The following GRIN2A variants were observed in gnomAD, a reference collection of about 807,000 sequenced individuals.
GRIN2A encodes the protein glutamate ionotropic receptor NMDA type subunit 2A.
In GRIN2A, 22 loss-of-function variants were observed where a neutral mutation model predicts 113.4. The observed-to-expected ratio is 0.19, with a 90% CI of 0.14 to 0.28. The LOEUF (loss-of-function observed/expected upper bound fraction) is 0.28. GRIN2A is among the 10% of genes least tolerant of loss of function. GRIN2A has a pLI of 1.00. For missense variants in GRIN2A, 1,502 were observed against 1,887.0 expected, an observed-to-expected ratio of 0.80 and a Z score of 3.78; for synonymous variants, 827 against 738.4, an observed-to-expected ratio of 1.12 and a Z score of -1.94.
intron 2 of GRIN2A, among the ~76,000 whole-genome samples, chr16:10,048,374 C>T (rs2047295250): frequency 6.6e-6 from 1 of 152,174 alleles, no homozygotes; most frequent in South Asian, 2.1e-4. Context: ...CTTGGGAGAA[C>T]TGCCTACTAC....
chr16:9,887,883 A>T (rs2043615731), intron 4 of GRIN2A, among the ~76,000 whole-genome samples: 1 of 152,116 alleles, frequency 6.6e-6, no homozygotes, highest in African/African-American at 2.4e-5. Context: ...ACATGGTGCA[A>T]CTATCTCTAC....
intron 8 of GRIN2A, 88 bp from the exon 9 acceptor site, chr16:9,829,740 C>A: frequency 1.2e-6 from 1 of 835,578 alleles, no homozygotes; most frequent in Non-Finnish European, 2.1e-6. Flanking sequence ...ACCAGCAGCA[C>A]CGAAGGTTGC....
chr16:9,807,297 A>G (rs112120287), intron 10 of GRIN2A, among the ~76,000 whole-genome samples: 2 of 7,980 alleles, frequency 2.5e-4, no homozygotes, highest in Non-Finnish European at 2.2e-4. Flanking sequence ...AGGGAGGGAG[A>G]GGGGGAGGGA....
intron 2 of GRIN2A, among the ~76,000 whole-genome samples, chr16:10,082,185 C>A (rs11074568): frequency 0.12 from 18,481 of 152,166 alleles, 1,697 homozygotes; most frequent in East Asian, 0.34. Context: ...TCTCTGCCTA[C>A]GATGGAATTA....
intron 11 of GRIN2A, among the ~76,000 whole-genome samples, chr16:9,797,129 T>G (rs1284803354): frequency 6.6e-6 from 1 of 152,238 alleles, no homozygotes; most frequent in African/African-American, 2.4e-5. Context: ...TATTTTGATA[T>G]TGCATTTCAC....
At chr16:9,909,296 T>A (rs1000812583) in intron 3 of GRIN2A, among the ~76,000 whole-genome samples, 3 of 152,142 alleles carry the variant, frequency 2.0e-5, no homozygotes, top group Non-Finnish European at 4.4e-5. Context: ...TCCCACAACA[T>A]GTGGTAATTC....
At chr16:10,035,479 AG>A (rs1033066338) in intron 2 of GRIN2A, among the ~76,000 whole-genome samples, 1 of 152,052 alleles carries the variant, frequency 6.6e-6, no homozygotes, top group African/African-American at 2.4e-5. Flanking sequence ...CTCCTTTCAA[AG>A]CCCTTACCTA....
At chr16:9,805,161 C>G (rs2141250736) in intron 10 of GRIN2A, among the ~76,000 whole-genome samples, 1 of 152,232 alleles carries the variant, frequency 6.6e-6, no homozygotes, top group African/African-American at 2.4e-5. Flanking sequence ...AGGACTATAC[C>G]CCACAGTAGA....
At chr16:10,071,462 T>C (rs10518151) in intron 2 of GRIN2A, among the ~76,000 whole-genome samples, 14,631 of 152,260 alleles carry the variant, frequency 0.096, 780 homozygotes, top group African/African-American at 0.11. Flanking sequence ...GTATCTCTTC[T>C]GGTTGTCCTG....
intron 11 of GRIN2A, 33 bp downstream of exon 11, chr16:9,798,244 C>A: frequency 1.9e-6 from 3 of 1,569,214 alleles, no homozygotes; most frequent in Non-Finnish European, 2.6e-6. Context: ...GGTCTCAAGT[C>A]CCCCTAAAGA....
At chr16:10,159,271 GAGA>G (rs1009174535) in intron 2 of GRIN2A, among the ~76,000 whole-genome samples, 1 of 152,142 alleles carries the variant, frequency 6.6e-6, no homozygotes, top group African/African-American at 2.4e-5. Flanking sequence ...CATTGACAGA[GAGA>G]AGAAATCCAG....
chr16:10,012,514 C>T (rs73506633), intron 2 of GRIN2A, among the ~76,000 whole-genome samples: 32 of 152,136 alleles, frequency 2.1e-4, no homozygotes, highest in African/African-American at 5.3e-4. Context: ...CTTGTTCAAT[C>T]GATTCTAAAA....
chr16:9,922,033 TAA>T (rs1567177219), intron 3 of GRIN2A, among the ~76,000 whole-genome samples: 1 of 152,094 alleles, frequency 6.6e-6, no homozygotes, highest in African/African-American at 2.4e-5. Flanking sequence ...ATTAAAAACA[TAA>T]AAAAGAGAAA....
chr16:9,767,270 C>T (rs1900973935), intron 12 of GRIN2A, among the ~76,000 whole-genome samples: 1 of 152,198 alleles, frequency 6.6e-6, no homozygotes, highest in African/African-American at 2.4e-5. Flanking sequence ...AAATCTTCCT[C>T]ACTAAACTAA....
At chr16:9,817,557 T>C (rs1223535434) in intron 10 of GRIN2A, among the ~76,000 whole-genome samples, 2 of 152,236 alleles carry the variant, frequency 1.3e-5, no homozygotes, top group Non-Finnish European at 2.9e-5. Flanking sequence ...TAAAAGAATC[T>C]CATGAACTAG....
chr16:10,001,273 T>C (rs2046315188), intron 2 of GRIN2A, among the ~76,000 whole-genome samples: 1 of 152,290 alleles, frequency 6.6e-6, no homozygotes, highest in East Asian at 1.9e-4. Context: ...ATTGGAACCA[T>C]GAAGTCCTGG....
chr16:9,790,444 T>A (rs1902538365), intron 11 of GRIN2A, among the ~76,000 whole-genome samples: 1 of 152,198 alleles, frequency 6.6e-6, no homozygotes, highest in South Asian at 2.1e-4. Context: ...ACTACAGTTG[T>A]AAAAGCCAGG....
At chr16:9,863,453 C>A (rs1294875767) in intron 4 of GRIN2A, among the ~76,000 whole-genome samples, 1 of 152,170 alleles carries the variant, frequency 6.6e-6, no homozygotes, top group African/African-American at 2.4e-5. Context: ...ATTGACTCTT[C>A]TGAGGACCTT....
At position 10,108,897 on chromosome 16, in the gene GRIN2A, G is replaced by T. The variant is rs1206986874; in HGVS notation, c.414+71101C>A. 2.0e-5 allele frequency among the ~76,000 whole-genome samples: 3 copies of T among 151,892 alleles called. No homozygotes were observed. In the East Asian group the frequency reaches 5.8e-4, roughly 29 times the overall value. ...TAATCAGAGGAGAAGGCAAGAGAAA[G>T]GTGAAGCCACCTTAGGTAGAATGGT... is the stretch of plus-strand genomic sequence containing the variant. On this transcript the variant is annotated intron_variant, in intron 2 of 12. Coordinates refer to ENST00000330684, the MANE Select transcript of GRIN2A (RefSeq NM_001134407.3).
Sources: allele counts gnomAD v4.1 joint callset (sites outside exome capture counted in the v4.1 genomes callset), GRCh38; gene constraint gnomAD v4.1.1; transcripts MANE v1.5; gene names NCBI Gene and HGNC (gene_info 2026-07-23, HGNC 2026-07-21).